CYFIP2: variants seen among roughly 807,000 people sequenced by gnomAD.
CYFIP2 encodes cytoplasmic FMR1-interacting protein 2.
In CYFIP2, 29 loss-of-function variants were observed where a neutral mutation model predicts 158.7. The observed-to-expected ratio is 0.18, with a 90% CI of 0.14 to 0.25. CYFIP2 has a LOEUF of 0.25. Ranked by LOEUF, CYFIP2 falls within the 10% of genes least tolerant of loss-of-function variation. The pLI is 1.00. For missense variants in CYFIP2, 852 were observed against 1,639.5 expected, an observed-to-expected ratio of 0.52 and a Z score of 8.29; for synonymous variants, 585 against 617.6, an observed-to-expected ratio of 0.95 and a Z score of 0.78.
intron 30 of CYFIP2, among the ~76,000 whole-genome samples, chr5:157,391,290 T>A (rs1054611447): frequency 2.0e-5 from 3 of 152,202 alleles, no homozygotes; most frequent in Non-Finnish European, 4.4e-5. Context: ...CACAAAGGGC[T>A]TTTTTAAAAA....
chr5:157,284,147 C>CTT (rs1561688763), intron 1 of CYFIP2, among the ~76,000 whole-genome samples: 4 of 152,084 alleles, frequency 2.6e-5, no homozygotes, highest in African/African-American at 4.8e-5. Flanking sequence ...TTTATGTCTG[C>CTT]CTTTGTAACT....
At chr5:157,384,711 A>G (rs1766485446) in intron 28 of CYFIP2, 3 of 349,106 alleles carry the variant, frequency 8.6e-6, no homozygotes, top group South Asian at 2.2e-5. Flanking sequence ...AGGCCGAGGC[A>G]GGCGGATCAC....
intron 25 of CYFIP2, among the ~76,000 whole-genome samples, chr5:157,360,575 G>C (rs982243345): frequency 6.6e-6 from 1 of 152,106 alleles, no homozygotes; most frequent in Non-Finnish European, 1.5e-5. Context: ...TGATGCTTGC[G>C]GGACCTGCCT....
intron 26 of CYFIP2, among the ~76,000 whole-genome samples, chr5:157,370,122 A>G (rs1764856782): frequency 6.6e-6 from 1 of 152,062 alleles, no homozygotes; most frequent in South Asian, 2.1e-4. Flanking sequence ...CTCGTGATCC[A>G]TGCGCCTCAG....
intron 26 of CYFIP2, among the ~76,000 whole-genome samples, chr5:157,377,152 T>C (rs897617590): frequency 6.6e-6 from 1 of 151,366 alleles, no homozygotes; most frequent in African/African-American, 2.4e-5. Context: ...CCCAATCCTT[T>C]CTCCCTTGCA....
At chr5:157,301,951 A>G (rs771509981) in intron 6 of CYFIP2, among the ~76,000 whole-genome samples, 80 of 152,210 alleles carry the variant, frequency 5.3e-4, no homozygotes, top group Admixed American at 6.5e-4. Context: ...TCACAAGTTT[A>G]CCCTCCTAAG....
chr5:157,387,042 T>C (rs1195037540), intron 28 of CYFIP2, among the ~76,000 whole-genome samples: 1 of 152,046 alleles, frequency 6.6e-6, no homozygotes, highest in Non-Finnish European at 1.5e-5. Flanking sequence ...CAATGACCAT[T>C]AAATGTAGTC....
intron 26 of CYFIP2, chr5:157,365,321 A>AT (rs1323712068): frequency 3.9e-5 from 6 of 152,168 alleles, no homozygotes; most frequent in Non-Finnish European, 8.8e-5. Context: ...TTACTTTTCC[A>AT]TTTTTTGTCT....
intron 5 of CYFIP2, among the ~76,000 whole-genome samples, chr5:157,297,454 G>A (rs1758349320): frequency 6.6e-6 from 1 of 152,208 alleles, no homozygotes; most frequent in South Asian, 2.1e-4. Flanking sequence ...CGGCTTCACA[G>A]GTTTATGGTG....
intron 23 of CYFIP2, chr5:157,343,311 T>C: frequency 6.2e-7 from 1 of 1,614,134 alleles, no homozygotes; most frequent in Non-Finnish European, 8.5e-7. Context: ...TTACAGCTGA[T>C]GCACAGGAAG....
At chr5:157,325,070 C>T (rs2113136009) in intron 16 of CYFIP2, among the ~76,000 whole-genome samples, 1 of 152,180 alleles carries the variant, frequency 6.6e-6, no homozygotes, top group African/African-American at 2.4e-5. Context: ...AAACTCCTGA[C>T]CTCAAGTGAT....
rs185650675 is a variant in CYFIP2, at chr5:157,364,732, A to G, written c.3039+3134A>G. ...GACAGTGCTTTCTGAGATTAGAATGAGGCATGAGCTTTCTGGAGTTTTTTT... is the reference window on the plus strand; with the variant it reads ...GACAGTGCTTTCTGAGATTAGAATGGGGCATGAGCTTTCTGGAGTTTTTTT... On this transcript the variant is annotated intron_variant, in intron 26 of 30. Coordinates refer to ENST00000620254, the MANE Select transcript of CYFIP2 (RefSeq NM_001037333.3). 9.9e-5 allele frequency: 15 copies of G among 152,250 alleles called. No individual in the cohort carries two copies. The East Asian group carries it at 2.9e-3, about 29-fold the overall frequency. The allele number at this position is 152,250 out of a possible 1,614,324, so 9.4% of individuals were successfully genotyped here.
intron 22 of CYFIP2, among the ~76,000 whole-genome samples, 157 bp downstream of exon 22, chr5:157,339,413 A>C (rs994420207): frequency 2.0e-5 from 3 of 152,134 alleles, no homozygotes; most frequent in Non-Finnish European, 4.4e-5. Context: ...TCACTTGCCT[A>C]AGGTCATAGA....
intron 19 of CYFIP2, 106 bp from the exon 20 acceptor site, chr5:157,330,636 A>C: frequency 1.2e-6 from 1 of 825,844 alleles, no homozygotes; most frequent in Non-Finnish European, 2.0e-6. Flanking sequence ...GTTATATAAG[A>C]TAGTGCTCTG....
At chr5:157,293,180 A>G (rs1006738921) in intron 3 of CYFIP2, among the ~76,000 whole-genome samples, 3 of 152,020 alleles carry the variant, frequency 2.0e-5, no homozygotes, top group Non-Finnish European at 4.4e-5. Flanking sequence ...CTCAGCCTCC[A>G]GAGTAGCTGA....
At chr5:157,320,581 C>T in intron 14 of CYFIP2, 74 bp from the exon 15 acceptor site, 1 of 1,591,890 alleles carries the variant, frequency 6.3e-7, no homozygotes, top group South Asian at 1.1e-5. Flanking sequence ...CACCACGGGC[C>T]CTAGAAACAC....
intron 1 of CYFIP2, among the ~76,000 whole-genome samples, chr5:157,272,333 G>T (rs1239096997): frequency 6.6e-6 from 1 of 152,194 alleles, no homozygotes; most frequent in South Asian, 2.1e-4. Flanking sequence ...AGACCACCTT[G>T]CCAGTCAGTG....
At chr5:157,365,786 C>CTCTGTCATTGAACATTACATT (rs1764311963) in intron 26 of CYFIP2, among the ~76,000 whole-genome samples, 1 of 146,108 alleles carries the variant, frequency 6.8e-6, no homozygotes, top group Non-Finnish European at 1.5e-5. Flanking sequence ...CCTTTCTGAC[C>CTCTGTCATTGAACATTACATT]TCTGTCATTC....
chr5:157,330,974 C>A lies in CYFIP2; in HGVS notation c.2265+124C>A, dbSNP rs190166014. On this transcript the variant is annotated intron_variant, in intron 20 of 30. Coordinates refer to ENST00000620254, the MANE Select transcript of CYFIP2 (RefSeq NM_001037333.3). Reference sequence around the variant, plus strand: ...CCGGCATGTTGCCAGTGTGGATTTCCGAGCCTGGGTGTAGCACAGCCTCAG... The same window carrying A: ...CCGGCATGTTGCCAGTGTGGATTTCAGAGCCTGGGTGTAGCACAGCCTCAG... 199 of 712,642 alleles carry A rather than the reference C, an allele frequency of 2.8e-4. 2 individuals are homozygous for A. The African/African-American group carries it at 3.2e-3, about 12-fold the overall frequency. 44.1% of individuals were successfully genotyped at this position (712,642 alleles called of 1,614,324 possible). A position where few individuals can be genotyped will look rare whatever the true frequency, so the allele number is the denominator to read the frequency against.
Sources: allele counts gnomAD v4.1 joint callset (sites outside exome capture counted in the v4.1 genomes callset), GRCh38; gene constraint gnomAD v4.1.1; transcripts MANE v1.5; gene names NCBI Gene and HGNC (gene_info 2026-07-23, HGNC 2026-07-21).